Variants in UBE2E2 observed in about 807,000 individuals in gnomAD.
The protein encoded by UBE2E2 is ubiquitin-conjugating enzyme E2 E2.
UBE2E2 carries 6 observed loss-of-function variants against 24.7 expected under a neutral mutation model. The observed-to-expected ratio is 0.24, with a 90% CI of 0.13 to 0.48. The LOEUF (loss-of-function observed/expected upper bound fraction) is 0.48. UBE2E2 is among the 20% of genes least tolerant of loss of function. The pLI, the probability that UBE2E2 is intolerant of heterozygous loss-of-function variation, is 0.99. For missense variants in UBE2E2, 169 were observed against 245.0 expected (o/e 0.69, Z 2.07); for synonymous variants, 104 against 83.6 (o/e 1.24, Z -1.33).
In UBE2E2 at chr3:23,259,025, G is replaced by A. The variant is rs1392785353; in HGVS notation, c.227+41713G>A. 3.3e-5 allele frequency among the ~76,000 whole-genome samples: 5 copies of A among 151,462 alleles called. No homozygotes were observed. The East Asian group carries it at 5.8e-4, about 18-fold the overall frequency. ...TTCTGAAACACAGAAATCCTTGACA[G>A]TTTATTTCTTTAAGATAACCAATTT... is the stretch of plus-strand genomic sequence containing the variant. On this transcript the variant is annotated intron_variant, in intron 3 of 5. Coordinates refer to ENST00000396703, the MANE Select transcript of UBE2E2 (RefSeq NM_152653.4).
chr3:23,271,653 T>C (rs1343025011), intron 3 of UBE2E2, among the ~76,000 whole-genome samples: 2 of 152,176 alleles, frequency 1.3e-5, no homozygotes. Flanking sequence ...GAGTGCTGAT[T>C]GGTGTATTTA....
chr3:23,240,716 A>T (rs1697238549), intron 3 of UBE2E2, among the ~76,000 whole-genome samples: 2 of 152,226 alleles, frequency 1.3e-5, no homozygotes, highest in African/African-American at 4.8e-5. Flanking sequence ...TTGAGCTGTG[A>T]TTAAGATTAC....
At chr3:23,443,769 C>T (rs1698359149) in intron 3 of UBE2E2, among the ~76,000 whole-genome samples, 3 of 152,200 alleles carry the variant, frequency 2.0e-5, no homozygotes, top group South Asian at 2.1e-4. Context: ...CAGTATAATA[C>T]ACCCCTTTAA....
At chr3:23,312,593 T>C (rs1352665743) in intron 3 of UBE2E2, among the ~76,000 whole-genome samples, 65 of 152,174 alleles carry the variant, frequency 4.3e-4, no homozygotes, top group Admixed American at 4.3e-3. Flanking sequence ...GTTTTGTTGA[T>C]TTTTTATATT....
At chr3:23,575,698 G>A (rs1696331768) in intron 5 of UBE2E2, among the ~76,000 whole-genome samples, 2 of 152,252 alleles carry the variant, frequency 1.3e-5, no homozygotes, top group South Asian at 2.1e-4. Flanking sequence ...TTTTATTGAA[G>A]GGTGGTTTGG....
chr3:23,581,177 C>A (rs949696428), intron 5 of UBE2E2, among the ~76,000 whole-genome samples: 1 of 152,030 alleles, frequency 6.6e-6, no homozygotes. Flanking sequence ...CTCAAGGGAT[C>A]CTCCAGAGTA....
Position 23,293,684 on chromosome 3 carries a change from G to C in UBE2E2, c.227+76372G>C, listed in dbSNP as rs563357580. Among the ~76,000 whole-genome samples, 10 of 152,290 alleles carry C rather than the reference G, an allele frequency of 6.6e-5. No homozygotes were observed. In the South Asian group the frequency reaches 1.9e-3, roughly 28 times the overall value. On this transcript the variant is annotated intron_variant, in intron 3 of 5. Coordinates refer to ENST00000396703, the MANE Select transcript of UBE2E2 (RefSeq NM_152653.4). Reference sequence around the variant, plus strand: ...AATCATAATATGTATCTTTCCTCTAGAGTAAGACTAATAACTGTCATAGCA... The same window carrying C: ...AATCATAATATGTATCTTTCCTCTACAGTAAGACTAATAACTGTCATAGCA...
chr3:23,469,109 C>G (rs998073635), intron 3 of UBE2E2, among the ~76,000 whole-genome samples: 1 of 152,112 alleles, frequency 6.6e-6, no homozygotes. Context: ...TGTACAAGAT[C>G]AGGGAACTGG....
At chr3:23,466,480 C>T (rs751413206) in intron 3 of UBE2E2, among the ~76,000 whole-genome samples, 1 of 152,140 alleles carries the variant, frequency 6.6e-6, no homozygotes, top group Non-Finnish European at 1.5e-5. Context: ...ATATTTTGTC[C>T]CTTGCAGAAT....
chr3:23,239,878 A>C (rs1184332431), intron 3 of UBE2E2, among the ~76,000 whole-genome samples: 1 of 152,230 alleles, frequency 6.6e-6, no homozygotes, highest in African/African-American at 2.4e-5. Context: ...TTCTTTGAAA[A>C]GGAGTAGGAA....
At chr3:23,546,581 C>G (rs1695528321) in intron 5 of UBE2E2, among the ~76,000 whole-genome samples, 2 of 137,922 alleles carry the variant, frequency 1.5e-5, no homozygotes. Context: ...TCAAACAATT[C>G]TCTTGCCTCA....
At chr3:23,496,159 C>A (rs890337957) in intron 3 of UBE2E2, among the ~76,000 whole-genome samples, 1 of 152,108 alleles carries the variant, frequency 6.6e-6, no homozygotes, top group African/African-American at 2.4e-5. Context: ...ACAGTAGGAT[C>A]TTTTTTTTAT....
chr3:23,314,206 G>C (rs1046429979), intron 3 of UBE2E2, among the ~76,000 whole-genome samples: 1 of 152,258 alleles, frequency 6.6e-6, no homozygotes, highest in African/African-American at 2.4e-5. Flanking sequence ...ACAGCTCACT[G>C]TGGCCTTGAT....
chr3:23,295,225 T>G (rs1024255709), intron 3 of UBE2E2, among the ~76,000 whole-genome samples: 1 of 152,192 alleles, frequency 6.6e-6, no homozygotes, highest in African/African-American at 2.4e-5. Flanking sequence ...TCTCTGAAAC[T>G]ATCTCCCTTG....
chr3:23,264,274 A>G (rs569426044), intron 3 of UBE2E2, among the ~76,000 whole-genome samples: 6 of 151,966 alleles, frequency 3.9e-5, no homozygotes, highest in Admixed American at 1.3e-4. Context: ...TACTGTTCGT[A>G]TCTTTAGGTT....
At chr3:23,359,450 A>T (rs1696053663) in intron 3 of UBE2E2, among the ~76,000 whole-genome samples, 1 of 152,190 alleles carries the variant, frequency 6.6e-6, no homozygotes, top group Non-Finnish European at 1.5e-5. Context: ...TAAACAAAAG[A>T]CTATCTCCTT....
chr3:23,530,775 G>A (rs1695106410), intron 4 of UBE2E2, among the ~76,000 whole-genome samples: 1 of 152,082 alleles, frequency 6.6e-6, no homozygotes, highest in Non-Finnish European at 1.5e-5. Context: ...GCAACATACA[G>A]GCCTAAGATT....
At chr3:23,273,008 A>G (rs946607747) in intron 3 of UBE2E2, among the ~76,000 whole-genome samples, 3 of 152,118 alleles carry the variant, frequency 2.0e-5, no homozygotes, top group Non-Finnish European at 4.4e-5. Flanking sequence ...GGCGACTCAC[A>G]TTAGGGAGGG....
chr3:23,358,877 G>A (rs1435336852), intron 3 of UBE2E2, among the ~76,000 whole-genome samples: 2 of 152,216 alleles, frequency 1.3e-5, no homozygotes, highest in Non-Finnish European at 2.9e-5. Context: ...ATCTCCTTTG[G>A]TCCTATTATT....
Sources: allele counts gnomAD v4.1 joint callset (sites outside exome capture counted in the v4.1 genomes callset), GRCh38; gene constraint gnomAD v4.1.1; transcripts MANE v1.5; gene names NCBI Gene and HGNC (gene_info 2026-07-23, HGNC 2026-07-21).